The following RNF180 variants were observed in gnomAD, a reference collection of about 807,000 sequenced individuals.
RNF180 encodes the protein E3 ubiquitin-protein ligase RNF180.
Under a neutral mutation model 59.2 loss-of-function variants are expected in RNF180, and 38 were observed. The ratio of observed to expected loss-of-function variants is 0.64; its 90% CI spans 0.50 to 0.84. RNF180 has a LOEUF of 0.84. Ranked by LOEUF, RNF180 falls within the 40% of genes least tolerant of loss-of-function variation. The pLI is 0.00. For missense variants in RNF180, 705 were observed against 700.9 expected, an observed-to-expected ratio of 1.01 and a Z score of -0.07; for synonymous variants, 262 against 240.3, an observed-to-expected ratio of 1.09 and a Z score of -0.84.
Position 64,214,140 on chromosome 5 carries a change from C to A in RNF180, c.814C>A (p.Gln272Lys). The A allele has an allele frequency of 1.9e-6, 3 of 1,614,100 alleles. No homozygotes were observed. Among genetic ancestry groups the A allele is most frequent in the Non-Finnish European group, 2.5e-6 (3 of 1,180,020 alleles). The change falls in exon 4 of 8, where the codon CAA becomes AAA. Residue 272 changes from glutamine (Q) to lysine (K), a missense_variant. By Grantham distance (53) the Gln-to-Lys change is moderately conservative. Coordinates refer to ENST00000389100, the MANE Select transcript of RNF180 (RefSeq NM_001113561.2). ...QPIDLSGLPL[Q>K]SSKNSYSFQN... ...TATTGACCTTTCAGGCTTGCCTTTA[C>A]AATCTAGTAAAAATAGCTATTCCTT...
intron 5 of RNF180, among the ~76,000 whole-genome samples, chr5:64,282,171 C>G (rs1742046995): frequency 6.6e-6 from 1 of 152,144 alleles, no homozygotes; most frequent in South Asian, 2.1e-4. Flanking sequence ...GTGAACTTCT[C>G]TGGTCTGGTA....
At chr5:64,312,536 A>G (rs1029250254) in intron 5 of RNF180, among the ~76,000 whole-genome samples, 2 of 151,792 alleles carry the variant, frequency 1.3e-5, no homozygotes, top group African/African-American at 2.4e-5. Context: ...ATCTCTGTTC[A>G]ATCAGACATT....
chr5:64,213,776 A>C lies in RNF180; in HGVS notation c.450A>C (p.Glu150Asp). The change falls in exon 4 of 8, where the codon GAA becomes GAC. Residue 150 changes from glutamate to aspartate, a missense_variant. Physicochemically the swap from Glu to Asp is conservative, Grantham distance 45. Transcript: ENST00000389100. ...GAGTTCAGTCAGGTTGTGACAAGGAAGCTCTGCTGACAGGTGGTGGCTCTG... is the reference window on the plus strand; with the variant it reads ...GAGTTCAGTCAGGTTGTGACAAGGACGCTCTGCTGACAGGTGGTGGCTCTG... ...HPRVQSGCDKEALLTGGGSEN... is the reference protein window; with the variant it reads ...HPRVQSGCDKDALLTGGGSEN... 3 of 1,614,188 alleles carry C rather than the reference A, an allele frequency of 1.9e-6. No homozygotes were observed. The highest frequency in any genetic ancestry group is 2.5e-6 in the Non-Finnish European group (3 of 1,180,016).
At chr5:64,339,209 C>CTTTG (rs1405668466) in intron 7 of RNF180, among the ~76,000 whole-genome samples, 1 of 151,650 alleles carries the variant, frequency 6.6e-6, no homozygotes, top group African/African-American at 2.4e-5. Context: ...TCTATTGTAT[C>CTTTG]TTTGTTTTTA....
intron 5 of RNF180, among the ~76,000 whole-genome samples, chr5:64,264,288 T>C (rs1330911164): frequency 2.0e-5 from 3 of 152,158 alleles, no homozygotes; most frequent in Non-Finnish European, 2.9e-5. Flanking sequence ...TAGGTATACA[T>C]ATGCCATGGT....
chr5:64,369,913 T>G lies in RNF180; in HGVS notation c.*99T>G. ...GCTTTGAAGTTTTTTTAATGTTGCA[T>G]TATACAAATTGTTGATGTTTATAGA... On this transcript the variant is annotated 3_prime_UTR_variant, in exon 8 of 8. Transcript: ENST00000389100. The G allele has an allele frequency of 1.6e-6, 1 of 631,384 alleles. No individual in the cohort carries two copies. 39.1% of individuals were successfully genotyped at this position (631,384 alleles called of 1,614,324 possible). A position where few individuals can be genotyped will look rare whatever the true frequency, so the allele number is the denominator to read the frequency against.
intron 5 of RNF180, among the ~76,000 whole-genome samples, chr5:64,244,558 CA>C (rs1743033720): frequency 6.6e-6 from 1 of 152,030 alleles, no homozygotes; most frequent in Admixed American, 6.6e-5. Context: ...TGAAAAGGAA[CA>C]AACAAAAGAC....
chr5:64,321,588 C>T (rs550513640), intron 5 of RNF180, among the ~76,000 whole-genome samples: 3 of 152,316 alleles, frequency 2.0e-5, no homozygotes, highest in Admixed American at 6.5e-5. Flanking sequence ...AATGGCCATA[C>T]TGCCCAAAGT....
intron 7 of RNF180, among the ~76,000 whole-genome samples, chr5:64,358,481 T>C (rs1713510396): frequency 6.6e-6 from 1 of 151,768 alleles, no homozygotes; most frequent in Non-Finnish European, 1.5e-5. Context: ...GGATAATCTT[T>C]TATAAAAGTT....
At chr5:64,361,888 G>T (rs1746267539) in intron 7 of RNF180, among the ~76,000 whole-genome samples, 1 of 151,242 alleles carries the variant, frequency 6.6e-6, no homozygotes, top group Admixed American at 6.6e-5. Context: ...CCTGTACCAT[G>T]CATTTTAAAT....
intron 5 of RNF180, among the ~76,000 whole-genome samples, chr5:64,223,305 A>C (rs951404821): frequency 4.6e-5 from 7 of 152,106 alleles, no homozygotes; most frequent in Admixed American, 4.6e-4. Context: ...TACCTGAATA[A>C]TCCAAGGTAA....
At chr5:64,303,607 AG>A (rs1743276572) in intron 5 of RNF180, among the ~76,000 whole-genome samples, 1 of 151,722 alleles carries the variant, frequency 6.6e-6, no homozygotes, top group Non-Finnish European at 1.5e-5. Flanking sequence ...ATCCAGAGCA[AG>A]TTCCTATCAT....
intron 5 of RNF180, among the ~76,000 whole-genome samples, chr5:64,230,111 T>C (rs2112193264): frequency 6.6e-6 from 1 of 152,324 alleles, no homozygotes. Flanking sequence ...GTCTAATCTG[T>C]AGGAAATACA....
At position 64,226,626 on chromosome 5, in the gene RNF180, C is replaced by G. The variant is rs562977627; in HGVS notation, c.1227+9230C>G. ...TATTATCCTATGACCCTGCCACATC[C>G]CCCTCTCTGAGAAACACCCAAGAAT... is the stretch of plus-strand genomic sequence containing the variant. On this transcript the variant is annotated intron_variant, in intron 5 of 7. Transcript: ENST00000389100. 9.2e-5 allele frequency among the ~76,000 whole-genome samples: 14 copies of G among 152,086 alleles called. No homozygotes were observed. The East Asian group carries it at 2.7e-3, about 29-fold the overall frequency.
intron 3 of RNF180, among the ~76,000 whole-genome samples, chr5:64,213,327 TG>T (rs2112113486): frequency 6.6e-6 from 1 of 152,316 alleles, no homozygotes; most frequent in Admixed American, 6.5e-5. Context: ...GAATATTGTT[TG>T]GATGGGCATG....
chr5:64,315,607 A>T (rs1367878869), intron 5 of RNF180, among the ~76,000 whole-genome samples: 1 of 151,220 alleles, frequency 6.6e-6, no homozygotes, highest in African/African-American at 2.5e-5. Context: ...AGCCAGGCAT[A>T]GTGGTGCATG....
intron 7 of RNF180, among the ~76,000 whole-genome samples, chr5:64,336,598 A>G (rs1233690595): frequency 6.6e-6 from 1 of 152,196 alleles, no homozygotes; most frequent in Non-Finnish European, 1.5e-5. Context: ...TAAGGTTGGG[A>G]AAAATTAGCA....
intron 6 of RNF180, among the ~76,000 whole-genome samples, chr5:64,326,219 G>A (rs1011272085): frequency 6.6e-6 from 1 of 151,938 alleles, no homozygotes; most frequent in Non-Finnish European, 1.5e-5. Flanking sequence ...TTCTCTTAGG[G>A]GAAAGGGTTT....
intron 7 of RNF180, among the ~76,000 whole-genome samples, chr5:64,346,410 C>A (rs1288581118): frequency 8.0e-6 from 1 of 125,002 alleles, no homozygotes; most frequent in Non-Finnish European, 1.6e-5. Context: ...GCTCTTGTCA[C>A]CCAGGCTGTA....
Sources: gnomAD v4.1 joint callset for allele counts (sites outside exome capture counted in the v4.1 genomes callset) on GRCh38, gnomAD v4.1.1 for gene constraint, MANE v1.5 for transcripts, NCBI Gene and HGNC (gene_info 2026-07-23, HGNC 2026-07-21) for gene names.